Variants in RPTOR observed in about 807,000 individuals in gnomAD.
RPTOR encodes the protein regulatory-associated protein of mTOR.
A neutral mutation model predicts 169.9 loss-of-function variants in RPTOR; 21 were observed. The observed-to-expected ratio is 0.12, with a 90% CI of 0.09 to 0.18. The LOEUF (loss-of-function observed/expected upper bound fraction) is 0.18, where lower values mean the gene tolerates loss of function less well. Ranked by LOEUF, RPTOR falls within the 10% of genes least tolerant of loss-of-function variation. The pLI, the probability that RPTOR is intolerant of heterozygous loss-of-function variation, is 1.00. For missense variants in RPTOR, 1,133 were observed against 1,855.9 expected, an observed-to-expected ratio of 0.61 and a Z score of 7.16; for synonymous variants, 732 against 753.2, an observed-to-expected ratio of 0.97 and a Z score of 0.46.
chr17:80,918,533 GCCATGAGCACCCTCACGGGGGT>G, intron 21 of RPTOR, among the ~76,000 whole-genome samples: 1 of 69,964 alleles, frequency 1.4e-5, no homozygotes. Flanking sequence ...GGGGGTCATA[GCCATGAGCACCCTCACGGGGGT>G]CATAGCCATG....
intron 24 of RPTOR, among the ~76,000 whole-genome samples, chr17:80,930,336 GCTCATC>G (rs1334159389): frequency 7.2e-4 from 32 of 44,232 alleles, no homozygotes; most frequent in Middle Eastern, 0.028. Flanking sequence ...CTCATCCTCA[GCTCATC>G]CTCAGCTCAT....
chr17:80,957,601 C>T lies in RPTOR; in HGVS notation c.3371-23C>T. ...AAGGCAAGGGCCCATGGGGTGATGC[C>T]ATGTCCCACTGTATCTCTCCAGGAG... On this transcript the variant is annotated intron_variant, in intron 28 of 33. Coordinates refer to ENST00000306801, the MANE Select transcript of RPTOR (RefSeq NM_020761.3). This position sits in a 1 kb window ranked among gnomAD's most constrained non-coding sequence, Gnocchi z 4.6. The T allele has an allele frequency of 6.2e-7, 1 of 1,608,974 alleles. No individual in the cohort carries two copies. Among genetic ancestry groups the T allele is most frequent in the Non-Finnish European group, 8.5e-7 (1 of 1,175,448 alleles).
intron 7 of RPTOR, among the ~76,000 whole-genome samples, chr17:80,807,455 A>G (rs2067229799): frequency 6.6e-6 from 1 of 152,076 alleles, no homozygotes; most frequent in African/African-American, 2.4e-5. Context: ...GGTTCAAGTG[A>G]TTCTCCTGCG....
intron 7 of RPTOR, among the ~76,000 whole-genome samples, chr17:80,793,264 G>A (rs567762008): frequency 7.7e-4 from 117 of 152,264 alleles, no homozygotes; most frequent in African/African-American, 2.6e-3. Context: ...GAACAAATTC[G>A]AAATCCGAAA....
intron 3 of RPTOR, among the ~76,000 whole-genome samples, chr17:80,664,102 G>A (rs2065745105): frequency 6.6e-6 from 1 of 152,124 alleles, no homozygotes; most frequent in Non-Finnish European, 1.5e-5. Flanking sequence ...GACTTGGGTG[G>A]TGGAGTGTTT....
intron 3 of RPTOR, among the ~76,000 whole-genome samples, chr17:80,680,709 G>C (rs1021295060): frequency 6.6e-6 from 1 of 151,994 alleles, no homozygotes; most frequent in Non-Finnish European, 1.5e-5. Context: ...TAAATTGTTA[G>C]ATCAGCCAAT....
chr17:80,857,990 TC>T, intron 13 of RPTOR, 90 bp downstream of exon 13: 1 of 1,010,362 alleles, frequency 9.9e-7, no homozygotes, highest in Non-Finnish European at 1.5e-6. Flanking sequence ...CTGCCCTTTC[TC>T]CAGCCTCGCT....
At chr17:80,690,385 A>G (rs1163734084) in intron 3 of RPTOR, among the ~76,000 whole-genome samples, 2 of 152,212 alleles carry the variant, frequency 1.3e-5, no homozygotes, top group African/African-American at 4.8e-5. Flanking sequence ...TGCAAGTGAG[A>G]TGAATGTATT....
chr17:80,919,441 C>T (rs1481986390), intron 21 of RPTOR, among the ~76,000 whole-genome samples: 1 of 152,182 alleles, frequency 6.6e-6, no homozygotes, highest in African/African-American at 2.4e-5. Flanking sequence ...CACTTCCTCC[C>T]AAGATAGAGC....
rs1555626304 is a variant in RPTOR at position 80,845,956 on chromosome 17, CCGGCCCCAGCG to C, written c.1213-506_1213-496del. Among the ~76,000 whole-genome samples the C allele has an allele frequency of 6.6e-6, 1 of 152,198 alleles. No individual in the cohort carries two copies. Among genetic ancestry groups the C allele is most frequent in the African/African-American group, 2.4e-5 (1 of 41,436 alleles). On this transcript the variant is annotated intron_variant, in intron 10 of 33. Transcript: ENST00000306801. This position sits in a 1 kb window ranked among gnomAD's most constrained non-coding sequence, Gnocchi z 5.4. ...CTTTCCCTCCACTGCCGGGCCCTCA[CCGGCCCCAGCG>C]CGGCCCCAGCTCATCTCCTTGGTCT... is the stretch of plus-strand genomic sequence containing the variant.
intron 3 of RPTOR, among the ~76,000 whole-genome samples, chr17:80,671,623 A>T (rs554902727): frequency 6.6e-6 from 1 of 152,284 alleles, no homozygotes; most frequent in Admixed American, 6.5e-5. Flanking sequence ...TCCTTCAAAT[A>T]ATGGTAAGAG....
intron 10 of RPTOR, among the ~76,000 whole-genome samples, chr17:80,842,688 C>T (rs1017193329): frequency 3.9e-5 from 6 of 152,184 alleles, no homozygotes; most frequent in South Asian, 2.1e-4. Flanking sequence ...TTTATGGTTC[C>T]GGCTTTTGGT....
intron 28 of RPTOR, among the ~76,000 whole-genome samples, chr17:80,951,300 T>A (rs959785059): frequency 1.3e-5 from 2 of 152,174 alleles, no homozygotes; most frequent in African/African-American, 4.8e-5. Context: ...GGGCTCTCAG[T>A]CTCTCCGGGT....
intron 1 of RPTOR, among the ~76,000 whole-genome samples, chr17:80,581,234 G>C (rs1027901526): frequency 1.3e-5 from 2 of 152,240 alleles, no homozygotes; most frequent in Admixed American, 1.3e-4. Context: ...TACTTTGAAA[G>C]TCCTGCATTT....
chr17:80,673,209 C>T (rs1433298133), intron 3 of RPTOR, among the ~76,000 whole-genome samples: 2 of 152,186 alleles, frequency 1.3e-5, no homozygotes, highest in East Asian at 1.9e-4. Flanking sequence ...TGAGCCGCCA[C>T]GCCCAGCCCT....
Position 80,773,748 on chromosome 17 carries a change from G to A in RPTOR, c.831-17702G>A, listed in dbSNP as rs933848739. On this transcript the variant is annotated intron_variant, in intron 6 of 33. Transcript: ENST00000306801. ...GGCAGGCGCTTGGGCAGGCTGGTGG[G>A]ACTGATGGGTAGCCTTGCTGGGGAC... The A allele has an allele frequency of 1.5e-5, 15 of 982,108 alleles. No homozygotes were observed. The African/African-American group carries it at 2.6e-4, about 17-fold the overall frequency. 60.8% of individuals were successfully genotyped at this position (982,108 alleles called of 1,614,324 possible).
chr17:80,743,929 C>CCCTGGCTACTAGCACTAT (rs1567887785), intron 5 of RPTOR, among the ~76,000 whole-genome samples: 1 of 27,764 alleles, frequency 3.6e-5, no homozygotes, highest in Non-Finnish European at 7.9e-5. Context: ...ACTAGCAGAG[C>CCCTGGCTACTAGCACTAT]CCTGGTTACT....
chr17:80,672,887 G>A (rs2065833024), intron 3 of RPTOR, among the ~76,000 whole-genome samples: 1 of 152,086 alleles, frequency 6.6e-6, no homozygotes, highest in East Asian at 1.9e-4. Flanking sequence ...CCTAAAGAAC[G>A]GAGGGTTCTA....
At chr17:80,843,640 G>A (rs2067695125) in intron 10 of RPTOR, among the ~76,000 whole-genome samples, 1 of 152,084 alleles carries the variant, frequency 6.6e-6, no homozygotes. Flanking sequence ...TGTCCCCTTG[G>A]CAGTGAACTT....
Sources: allele counts gnomAD v4.1 joint callset (sites outside exome capture counted in the v4.1 genomes callset), GRCh38; gene constraint gnomAD v4.1.1; non-coding constraint Gnocchi (gnomAD v3.1); transcripts MANE v1.5; gene names NCBI Gene and HGNC (gene_info 2026-07-23, HGNC 2026-07-21).